DIP2A: variants seen among roughly 807,000 people sequenced by gnomAD.
DIP2A encodes the protein DIP2 acetate--CoA ligase A.
DIP2A carries 85 observed loss-of-function variants against 177.4 expected under a neutral mutation model. The observed-to-expected ratio is 0.48, with a 90% CI of 0.40 to 0.57. The LOEUF is 0.57. Ranked by LOEUF, DIP2A falls within the 20% of genes least tolerant of loss-of-function variation. DIP2A has a pLI of 0.00. For synonymous variants in DIP2A, 886 were observed against 881.8 expected (o/e 1.00, Z -0.08); for missense variants, 1,791 against 2,100.2 (o/e 0.85, Z 2.88).
chr21:46,462,501 G>A (rs1490777271), intron 1 of DIP2A: 1 of 152,190 alleles, frequency 6.6e-6, no homozygotes, highest in East Asian at 1.9e-4. Context: ...CACATAGTGT[G>A]TGTGAAAATG....
intron 34 of DIP2A, among the ~76,000 whole-genome samples, chr21:46,562,390 G>A (rs1371088249): frequency 6.6e-6 from 1 of 152,246 alleles, no homozygotes; most frequent in East Asian, 1.9e-4. Flanking sequence ...GCAGCATGAA[G>A]AGTAAGCCAG....
chr21:46,537,670 T>C lies in DIP2A; in HGVS notation c.1801+131T>C. ...GTAGGCTGAAGAGCTGTGGGACGTCTTTCTTGGTCACACCCCTGCCCAGGA... is the reference window on the plus strand; with the variant it reads ...GTAGGCTGAAGAGCTGTGGGACGTCCTTCTTGGTCACACCCCTGCCCAGGA... On this transcript the variant is annotated intron_variant, in intron 15 of 37. Transcript: ENST00000417564. This position sits in a 1 kb window ranked among gnomAD's most constrained non-coding sequence, Gnocchi z 4.1. The C allele has an allele frequency of 1.1e-6, 1 of 886,912 alleles. No individual in the cohort carries two copies. The allele number at this position is 886,912 out of a possible 1,614,324, so 54.9% of individuals were successfully genotyped here.
Position 46,554,676 on chromosome 21 carries a change from A to G in DIP2A, c.3256A>G (p.Thr1086Ala). The G allele has an allele frequency of 3.8e-6, 6 of 1,572,950 alleles. No homozygotes were observed. The highest frequency in any genetic ancestry group is 5.2e-6 in the Non-Finnish European group (6 of 1,160,048). Residue 1086 changes from threonine (T) to alanine (A), a missense_variant, in exon 27 of 38, where the codon ACC (threonine) becomes GCC (alanine). Coordinates refer to ENST00000417564, the MANE Select transcript of DIP2A (RefSeq NM_015151.4). The part of the protein sequence containing the change: ...HPQNLGTTLP[T>A]VKMIVEVSKS... Reference sequence around the variant, plus strand: ...TCAGAACCTCGGCACCACACTGCCCACCGTCAAGATGATCGTGGAGGTGCG... The same window carrying G: ...TCAGAACCTCGGCACCACACTGCCCGCCGTCAAGATGATCGTGGAGGTGCG...
rs182075386 is a variant in DIP2A at position 46,490,189 on chromosome 21, G to C, written c.164-411G>C. ...GTCTGGTGAGCTGTTTCTCACTCAG[G>C]GTTTACCGACACTGTAGAACAATGC... is the stretch of plus-strand genomic sequence containing the variant. On this transcript the variant is annotated intron_variant, in intron 2 of 37. Transcript: ENST00000417564. 9.3e-4 allele frequency among the ~76,000 whole-genome samples: 141 copies of C among 152,264 alleles called. 2 individuals carry two copies. The highest frequency in any genetic ancestry group is 5.0e-3 in the Admixed American group (76 of 15,306).
chr21:46,546,942 C>T lies in DIP2A; in HGVS notation c.2422C>T (p.Leu808=). The T allele has an allele frequency of 6.2e-7, 1 of 1,613,936 alleles. No homozygotes were observed. The highest frequency in any genetic ancestry group is 8.5e-7 in the Non-Finnish European group (1 of 1,179,860). The change falls in exon 21 of 38, where the codon CTG becomes TTG. Residue 808 remains leucine, a synonymous_variant. Transcript: ENST00000417564. ...PDNLVFIVGK[L]DGLMVTGVRR... ...CAACCTGGTCTTCATCGTGGGCAAA[C>T]TGGACGGGCTGATGGTCACTGGAGT...
chr21:46,468,854 TA>T (rs533607777), intron 1 of DIP2A, among the ~76,000 whole-genome samples: 1 of 152,184 alleles, frequency 6.6e-6, no homozygotes, highest in African/African-American at 2.4e-5. Flanking sequence ...CATGTCGATT[TA>T]AAAAAAGAAA....
Position 46,550,610 on chromosome 21 carries a change from A to G in DIP2A, c.2705A>G (p.Lys902Arg), listed in dbSNP as rs748074215. The stretch of plus-strand genomic sequence containing the variant: ...CTGGTTCCTGCCAACACCTTGCCCA[A>G]GGCTCCTCTCGGAGGGATTCACATT... ...LALVPANTLPKAPLGGIHISE... is the reference protein window; with the variant it reads ...LALVPANTLPRAPLGGIHISE... Residue 902 changes from lysine (K) to arginine (R), a missense_variant, in exon 23 of 38, where the codon AAG becomes AGG. Transcript: ENST00000417564. 1.2e-6 allele frequency: 2 copies of G among 1,613,650 alleles called. No homozygotes were observed. Among genetic ancestry groups the G allele is most frequent in the Admixed American group, 1.7e-5 (1 of 59,972 alleles).
chr21:46,499,474 C>T (rs1460281335), intron 5 of DIP2A, among the ~76,000 whole-genome samples: 1 of 152,144 alleles, frequency 6.6e-6, no homozygotes, highest in Non-Finnish European at 1.5e-5. Context: ...CATTGGTTGT[C>T]TCTGTACCTG....
At chr21:46,468,604 A>G (rs530814328) in intron 1 of DIP2A, among the ~76,000 whole-genome samples, 18 of 152,284 alleles carry the variant, frequency 1.2e-4, no homozygotes, top group Admixed American at 4.6e-4. Context: ...AGGATGAGTA[A>G]CTGCTAGAGA....
chr21:46,504,715 G>C (rs2057883494), intron 6 of DIP2A, among the ~76,000 whole-genome samples: 1 of 152,248 alleles, frequency 6.6e-6, no homozygotes, highest in African/African-American at 2.4e-5. Context: ...AACGAGGAGA[G>C]TGGGGAGGGA....
At chr21:46,501,749 T>G (rs996263811) in intron 5 of DIP2A, among the ~76,000 whole-genome samples, 4 of 152,254 alleles carry the variant, frequency 2.6e-5, no homozygotes, top group Admixed American at 6.5e-5. Context: ...AAAAAACTAC[T>G]TGTAGTACAT....
chr21:46,551,979 G>GT, intron 25 of DIP2A, 75 bp downstream of exon 25: 1 of 1,468,134 alleles, frequency 6.8e-7, no homozygotes, highest in South Asian at 1.2e-5. Context: ...CTAGTTCATG[G>GT]TGCCAGTGTC....
At chr21:46,500,558 TC>T (rs992687375) in intron 5 of DIP2A, among the ~76,000 whole-genome samples, 87 of 152,226 alleles carry the variant, frequency 5.7e-4, no homozygotes, top group African/African-American at 2.1e-3. Flanking sequence ...TCATTTCTTC[TC>T]CCAGAAGCTC....
chr21:46,581,193 T>C, the DIP2A span, among the ~76,000 whole-genome samples: 1 of 152,232 alleles, frequency 6.6e-6, no homozygotes, highest in African/African-American at 2.4e-5. Flanking sequence ...TTAAGCAAGA[T>C]AGTCTTCAAG....
chr21:46,470,929 GAAA>G (rs61607316), intron 1 of DIP2A, among the ~76,000 whole-genome samples: 17 of 82,902 alleles, frequency 2.1e-4, no homozygotes, highest in African/African-American at 4.7e-4. Flanking sequence ...TTCTGTTTCA[GAAA>G]AAAAAAAAAA....
At chr21:46,560,164 A>G (rs1047048234) in intron 32 of DIP2A, among the ~76,000 whole-genome samples, 1 of 152,322 alleles carries the variant, frequency 6.6e-6, no homozygotes, top group South Asian at 2.1e-4. Context: ...TTTAAGGGTG[A>G]TGTTGATCAG....
chr21:46,459,524 C>T (rs868631912), intron 1 of DIP2A, among the ~76,000 whole-genome samples: 1 of 124,952 alleles, frequency 8.0e-6, no homozygotes, highest in Middle Eastern at 4.3e-3. Context: ...CGGGAACTCC[C>T]GCCCCTCACC....
At chr21:46,540,127 C>G (rs947742767) in intron 17 of DIP2A, 136 bp downstream of exon 17, 8 of 685,016 alleles carry the variant, frequency 1.2e-5, no homozygotes, top group South Asian at 9.2e-5. Flanking sequence ...CCTGGCCCCC[C>G]ACATTTTGCC....
intron 2 of DIP2A, 41 bp from the exon 3 acceptor site, chr21:46,490,559 A>C: frequency 6.6e-7 from 1 of 1,524,902 alleles, no homozygotes; most frequent in Middle Eastern, 1.7e-4. Context: ...TTGGAAAAGC[A>C]AATTGTTCAC....
Sources: gnomAD v4.1 joint callset for allele counts (sites outside exome capture counted in the v4.1 genomes callset) on GRCh38, gnomAD v4.1.1 for gene constraint, Gnocchi (gnomAD v3.1) non-coding constraint, MANE v1.5 for transcripts, NCBI Gene and HGNC (gene_info 2026-07-23, HGNC 2026-07-21) for gene names.